The following ZNF710 variants were observed in gnomAD, a reference collection of about 807,000 sequenced individuals.
ZNF710 encodes the protein zinc finger protein 710.
In ZNF710, 13 loss-of-function variants were observed where a neutral mutation model predicts 50.6. The observed-to-expected ratio is 0.26, with a 90% CI of 0.17 to 0.41. The LOEUF (loss-of-function observed/expected upper bound fraction) is 0.41. Among genes scored for constraint, ZNF710 ranks in the 10% least tolerant of loss-of-function variants. The pLI is 1.00. For synonymous variants in ZNF710, 383 were observed against 397.0 expected (o/e 0.96, Z 0.42); for missense variants, 721 against 936.6 (o/e 0.77, Z 3.01).
chr15:90,009,365 C>G (rs985174525), intron 1 of ZNF710, among the ~76,000 whole-genome samples: 1 of 152,076 alleles, frequency 6.6e-6, no homozygotes, highest in African/African-American at 2.4e-5. Context: ...TCCTCGGGCC[C>G]TGGGCTCACA....
intron 1 of ZNF710, among the ~76,000 whole-genome samples, chr15:90,036,052 C>T (rs902993022): frequency 1.3e-5 from 2 of 152,174 alleles, no homozygotes; most frequent in African/African-American, 4.8e-5. Context: ...GAGACGCACT[C>T]GCCCCATCCG....
rs201471695 is a variant in ZNF710 at position 90,034,197 on chromosome 15, C to CA, written c.-29+32592dup. On this transcript the variant is annotated intron_variant, in intron 1 of 4. Transcript: ENST00000268154. This position sits in a 1 kb window ranked among gnomAD's most constrained non-coding sequence, Gnocchi z 4.0. ...TGGGTGACAGAGTGAGACTCTGTCTCAAAAAAAAAGAAAAGAAAAGAAAAG... is the reference window on the plus strand; with the variant it reads ...TGGGTGACAGAGTGAGACTCTGTCTCAAAAAAAAAAGAAAAGAAAAGAAAAG... Among the ~76,000 whole-genome samples the CA allele has an allele frequency of 2.4e-4, 33 of 137,790 alleles. No homozygotes were observed. The highest frequency in any genetic ancestry group is 6.2e-4 in the East Asian group (3 of 4,848). 90.4% of individuals were successfully genotyped at this position (137,790 alleles called of 152,430 possible).
chr15:90,039,368 G>A (rs1448305523), intron 1 of ZNF710, among the ~76,000 whole-genome samples: 15 of 152,120 alleles, frequency 9.9e-5, no homozygotes, highest in Non-Finnish European at 1.8e-4. Flanking sequence ...TTCGTGGGTG[G>A]GATTCTGAGA....
In ZNF710 at chr15:90,080,101, G is replaced by A. The variant is rs763382796; in HGVS notation, c.*272G>A. On this transcript the variant is annotated 3_prime_UTR_variant, in exon 5 of 5. Coordinates refer to ENST00000268154, the MANE Select transcript of ZNF710 (RefSeq NM_198526.4). ...ATCTGGGTCTCCCTGGCCTGCTTCC[G>A]TGGGGAGTGGGAGAAGTGGGGCCAC... The A allele has an allele frequency of 8.2e-5, 27 of 328,926 alleles. No homozygotes were observed. Among genetic ancestry groups the A allele is most frequent in the African/African-American group, 2.6e-4 (12 of 45,684 alleles). 20.4% of individuals were successfully genotyped at this position (328,926 alleles called of 1,614,324 possible).
rs530702821 is a variant in ZNF710, at chr15:90,080,176, C to T, written c.*347C>T. On this transcript the variant is annotated 3_prime_UTR_variant, in exon 5 of 5. Transcript: ENST00000268154. ...GCCCTCGGGGTCTCTCCAGGCCCAG[C>T]AGAGCTCTTCAGGGGTCCTGACACT... 25 of 206,924 alleles carry T rather than the reference C, an allele frequency of 1.2e-4. No individual in the cohort carries two copies. The highest frequency in any genetic ancestry group is 2.1e-4 in the Non-Finnish European group (22 of 105,122). 12.8% of individuals were successfully genotyped at this position (206,924 alleles called of 1,614,324 possible). A position where few individuals can be genotyped will look rare whatever the true frequency, so the allele number is the denominator to read the frequency against.
chr15:90,036,245 C>G (rs1031369704), intron 1 of ZNF710, among the ~76,000 whole-genome samples: 6 of 134,030 alleles, frequency 4.5e-5, no homozygotes, highest in Admixed American at 3.1e-4. Flanking sequence ...CCCCCCACCC[C>G]CTCCGCCTCT....
At chr15:90,011,907 T>G (rs1053342765) in intron 1 of ZNF710, among the ~76,000 whole-genome samples, 1 of 152,218 alleles carries the variant, frequency 6.6e-6, no homozygotes, top group Non-Finnish European at 1.5e-5. Context: ...CTTTCATTGT[T>G]GATATTAAGA....
intron 1 of ZNF710, among the ~76,000 whole-genome samples, chr15:90,020,160 C>G (rs2151473712): frequency 6.6e-6 from 1 of 152,352 alleles, no homozygotes; most frequent in South Asian, 2.1e-4. Context: ...CTTCCTGTTC[C>G]CACTGCTGAC....
Position 90,044,444 on chromosome 15 carries a change from G to A in ZNF710, c.-28-22666G>A, listed in dbSNP as rs552003440. Among the ~76,000 whole-genome samples, 109 of 152,296 alleles carry A rather than the reference G, an allele frequency of 7.2e-4. 1 individual carries two copies. Among genetic ancestry groups the A allele is most frequent in the Admixed American group, 9.8e-4 (15 of 15,304 alleles). ...GGGGCTGAGTGTGAGGAAGGGGGCC[G>A]GTCCACACGACACAAGCTGGACCGA... is the stretch of plus-strand genomic sequence containing the variant. On this transcript the variant is annotated intron_variant, in intron 1 of 4. Transcript: ENST00000268154.
At chr15:90,008,447 T>TATATATACACAC in intron 1 of ZNF710, among the ~76,000 whole-genome samples, 2 of 142,472 alleles carry the variant, frequency 1.4e-5, no homozygotes, top group African/African-American at 5.6e-5. Context: ...TATACATATA[T>TATATATACACAC]ATATATGTAT....
At chr15:90,065,231 G>T (rs553343099) in intron 1 of ZNF710, among the ~76,000 whole-genome samples, 7 of 152,212 alleles carry the variant, frequency 4.6e-5, no homozygotes, top group Non-Finnish European at 1.0e-4. Context: ...CTGGGCGCTG[G>T]GGGGAGGGGG....
chr15:90,005,671 A>T lies in ZNF710; in HGVS notation c.-29+4057A>T, dbSNP rs968719177. Among the ~76,000 whole-genome samples, 4 of 152,124 alleles carry T rather than the reference A, an allele frequency of 2.6e-5. No homozygotes were observed. The East Asian group carries it at 7.7e-4, about 29-fold the overall frequency. ...CACCAGGTTGGCCAGGATGGTCTCG[A>T]TCTCTTCACCTCGTGATCTGCCCGC... On this transcript the variant is annotated intron_variant, in intron 1 of 4. Transcript: ENST00000268154.
intron 1 of ZNF710, among the ~76,000 whole-genome samples, chr15:90,016,459 T>C (rs914172168): frequency 3.3e-5 from 5 of 152,190 alleles, no homozygotes; most frequent in Non-Finnish European, 5.9e-5. Flanking sequence ...TTTTATTTTT[T>C]TGAGACAGGT....
Position 90,067,723 on chromosome 15 carries a change from C to T in ZNF710, c.586C>T (p.Arg196Trp), listed in dbSNP as rs1328444227. Reference sequence around the variant, plus strand: ...TGACCCTCACTTCCCGGCCCCGGCCCGGGATGGCTTCCCCGAGCCCAGCAT... The same window carrying T: ...TGACCCTCACTTCCCGGCCCCGGCCTGGGATGGCTTCCCCGAGCCCAGCAT... ...PYDPHFPAPA[R>W]DGFPEPSMAL... is the part of the protein sequence containing the mutation. The change falls in exon 2 of 5, where the codon CGG becomes TGG. Residue 196 changes from arginine to tryptophan, a missense_variant. By Grantham distance (101) the Arg-to-Trp change is moderately radical (BLOSUM62 -3). Coordinates refer to ENST00000268154, the MANE Select transcript of ZNF710 (RefSeq NM_198526.4). This position sits in a 1 kb window ranked among gnomAD's most constrained non-coding sequence, Gnocchi z 8.1. The T allele has an allele frequency of 1.2e-6, 2 of 1,604,822 alleles. No individual in the cohort carries two copies. Among genetic ancestry groups the T allele is most frequent in the Non-Finnish European group, 1.7e-6 (2 of 1,175,780 alleles).
Position 90,068,199 on chromosome 15 carries a change from G to C in ZNF710, c.1062G>C (p.Gln354His). 1.9e-6 allele frequency: 3 copies of C among 1,613,990 alleles called. No individual in the cohort carries two copies. The highest frequency in any genetic ancestry group is 2.5e-6 in the Non-Finnish European group (3 of 1,180,032). ...AGGGCACCCGGCCCCACAAGTGCCA[G>C]GTATGCCACAAGGCCTTCACGCAGA... Reference protein sequence around the residue: ...THQGTRPHKCQVCHKAFTQTS... With the variant: ...THQGTRPHKCHVCHKAFTQTS... The change falls in exon 2 of 5, where the codon CAG becomes CAC. Residue 354 changes from glutamine (Q) to histidine (H), a missense_variant. By Grantham distance (24) the Gln-to-His change is conservative. Coordinates refer to ENST00000268154, the MANE Select transcript of ZNF710 (RefSeq NM_198526.4). The surrounding 1 kb of genome is among the most constrained non-coding windows in gnomAD (Gnocchi z 5.0).
At chr15:90,021,351 G>C (rs1358764173) in intron 1 of ZNF710, among the ~76,000 whole-genome samples, 1 of 152,190 alleles carries the variant, frequency 6.6e-6, no homozygotes, top group African/African-American at 2.4e-5. Context: ...TCCTAGCCCT[G>C]ATGACCCACA....
At chr15:90,022,738 T>C (rs1898661023) in intron 1 of ZNF710, among the ~76,000 whole-genome samples, 2 of 152,236 alleles carry the variant, frequency 1.3e-5, no homozygotes, top group Admixed American at 1.3e-4. Flanking sequence ...CCTTTTCATT[T>C]CGCCTAGAAT....
chr15:90,051,236 C>G (rs1899635696), intron 1 of ZNF710, among the ~76,000 whole-genome samples: 1 of 142,122 alleles, frequency 7.0e-6, no homozygotes, highest in South Asian at 2.2e-4. Context: ...CAGACTCCGT[C>G]TCAAAAAAAA....
intron 1 of ZNF710, among the ~76,000 whole-genome samples, chr15:90,053,500 A>T (rs1667798303): frequency 6.6e-6 from 1 of 152,068 alleles, no homozygotes; most frequent in African/African-American, 2.4e-5. Flanking sequence ...GGCACGTGCC[A>T]TCATGGCCTG....
Sources: gnomAD v4.1 joint callset for allele counts (sites outside exome capture counted in the v4.1 genomes callset) on GRCh38, gnomAD v4.1.1 for gene constraint, Gnocchi (gnomAD v3.1) non-coding constraint, MANE v1.5 for transcripts, NCBI Gene and HGNC (gene_info 2026-07-23, HGNC 2026-07-21) for gene names.